ZFAT: variants seen among roughly 807,000 people sequenced by gnomAD.
The protein encoded by ZFAT is zinc finger and AT-hook domain containing.
In ZFAT, 64 loss-of-function variants were observed where a neutral mutation model predicts 117.7. That is an observed-to-expected ratio of 0.54 (90% confidence interval 0.44 to 0.67). ZFAT has a LOEUF of 0.67. Among genes scored for constraint, ZFAT ranks in the 30% least tolerant of loss-of-function variants. ZFAT has a pLI of 0.00. For missense variants in ZFAT, 1,433 were observed against 1,584.5 expected (o/e 0.90, Z 1.62); for synonymous variants, 679 against 615.0 (o/e 1.10, Z -1.54).
At chr8:134,820,433 C>A in the ZFAT span, among the ~76,000 whole-genome samples, 57 of 152,240 alleles carry the variant, frequency 3.7e-4, no homozygotes, top group African/African-American at 1.4e-3. Context: ...CATCATACAG[C>A]ACCTTGAGTG....
chr8:134,539,841 A>G lies in ZFAT; in HGVS notation c.2977-6869T>C, dbSNP rs570260566. 7.9e-5 allele frequency among the ~76,000 whole-genome samples: 12 copies of G among 152,286 alleles called. No homozygotes were observed. The South Asian group carries it at 2.5e-3, about 32-fold the overall frequency. Reference sequence around the variant, plus strand: ...GGGTAGAAGAGCGGAGTGTGGGAGCATGAATGAACCAGGCGCAGGAGAAGA... The same window carrying G: ...GGGTAGAAGAGCGGAGTGTGGGAGCGTGAATGAACCAGGCGCAGGAGAAGA... On this transcript the variant is annotated intron_variant, in intron 11 of 15. Coordinates refer to ENST00000377838, the MANE Select transcript of ZFAT (RefSeq NM_020863.4).
At chr8:134,755,780 C>G in the ZFAT span, among the ~76,000 whole-genome samples, 2 of 141,374 alleles carry the variant, frequency 1.4e-5, no homozygotes. Flanking sequence ...CCACTGCACT[C>G]CAGCCTGGGC....
intron 13 of ZFAT, 96 bp downstream of exon 13, chr8:134,520,787 C>T (rs979506390): frequency 1.1e-6 from 1 of 927,120 alleles, no homozygotes; most frequent in Non-Finnish European, 1.7e-6. Flanking sequence ...ATCTAATGTT[C>T]TGAGGAATGA....
chr8:134,539,051 A>G (rs1369938272), intron 11 of ZFAT, among the ~76,000 whole-genome samples: 1 of 152,234 alleles, frequency 6.6e-6, no homozygotes, highest in African/African-American at 2.4e-5. Flanking sequence ...GGTTCTTTAA[A>G]CAGAAAGAAA....
intron 14 of ZFAT, among the ~76,000 whole-genome samples, chr8:134,512,054 G>A (rs954093022): frequency 1.3e-5 from 2 of 152,228 alleles, no homozygotes; most frequent in Non-Finnish European, 2.9e-5. Context: ...GAAGTTAGGA[G>A]ACCCAGATTC....
chr8:134,511,270 A>C (rs1819821347), intron 14 of ZFAT, among the ~76,000 whole-genome samples: 1 of 152,088 alleles, frequency 6.6e-6, no homozygotes, highest in African/African-American at 2.4e-5. Flanking sequence ...GTGTGTGCTC[A>C]TAGGGGATGA....
chr8:134,713,422 A>G (rs1185994041), upstream of ZFAT, among the ~76,000 whole-genome samples: 2 of 152,194 alleles, frequency 1.3e-5, no homozygotes, highest in South Asian at 2.1e-4. Flanking sequence ...TCTTGCTCTC[A>G]GTTTACTGAT....
Position 134,641,390 on chromosome 8 carries a change from C to A in ZFAT, c.197-3678G>T, listed in dbSNP as rs374854582. ...GTACTATTCTCCCAAGCTGTGACCA[C>A]CTCCTTCACTACCAATCAGAGACCA... On this transcript the variant is annotated intron_variant, in intron 2 of 15. Coordinates refer to ENST00000377838, the MANE Select transcript of ZFAT (RefSeq NM_020863.4). Among the ~76,000 whole-genome samples, 13 of 152,290 alleles carry A rather than the reference C, an allele frequency of 8.5e-5. No individual in the cohort carries two copies. In the East Asian group the frequency reaches 2.3e-3, roughly 27 times the overall value.
At position 134,685,166 on chromosome 8, in the gene ZFAT, C is replaced by T. The variant is rs556336792; in HGVS notation, c.20-27429G>A. ...TACATGGTGTCATCCCCATCACCAC[C>T]ACCACCGTCACCATCCCCTTTTTAC... On this transcript the variant is annotated intron_variant, in intron 1 of 15. Coordinates refer to ENST00000377838, the MANE Select transcript of ZFAT (RefSeq NM_020863.4). 2.0e-4 allele frequency among the ~76,000 whole-genome samples: 30 copies of T among 152,258 alleles called. 1 individual carries two copies. Among genetic ancestry groups the T allele is most frequent in the Admixed American group, 1.4e-3 (21 of 15,298 alleles).
At chr8:134,498,319 T>C (rs1324643980) in intron 15 of ZFAT, among the ~76,000 whole-genome samples, 114 of 149,548 alleles carry the variant, frequency 7.6e-4, no homozygotes, top group African/African-American at 2.8e-3. Context: ...TTTTGTAGGG[T>C]TGGGGTGGAG....
chr8:134,608,966 A>G, intron 4 of ZFAT, 87 bp from the exon 5 acceptor site: 2 of 1,464,506 alleles, frequency 1.4e-6, no homozygotes, highest in South Asian at 2.8e-5. Flanking sequence ...GGTGCTGGGA[A>G]GTCTATTTCT....
At chr8:134,749,702 C>T in the ZFAT span, among the ~76,000 whole-genome samples, 1 of 152,152 alleles carries the variant, frequency 6.6e-6, no homozygotes, top group Non-Finnish European at 1.5e-5. Context: ...CCAATATGAA[C>T]AATTTCCGGT....
At chr8:134,488,483 A>G (rs1382302129) in intron 15 of ZFAT, among the ~76,000 whole-genome samples, 1 of 152,192 alleles carries the variant, frequency 6.6e-6, no homozygotes, top group African/African-American at 2.4e-5. Context: ...CCGCTAAGAG[A>G]TGGGCCATTT....
intron 1 of ZFAT, among the ~76,000 whole-genome samples, chr8:134,665,454 C>A (rs1832163235): frequency 6.6e-6 from 1 of 152,204 alleles, no homozygotes; most frequent in Admixed American, 6.5e-5. Flanking sequence ...CCTCCTCCTG[C>A]TGCTGCTGTC....
At chr8:134,547,592 T>C (rs535151758) in intron 11 of ZFAT, among the ~76,000 whole-genome samples, 2 of 152,350 alleles carry the variant, frequency 1.3e-5, no homozygotes, top group East Asian at 3.9e-4. Flanking sequence ...TGCATTTGCA[T>C]AGATTTCCAA....
chr8:134,825,406 T>C, the ZFAT span, among the ~76,000 whole-genome samples: 1 of 152,196 alleles, frequency 6.6e-6, no homozygotes, highest in Admixed American at 6.5e-5. Context: ...CACTCAGTCT[T>C]AAGAATTTTT....
the ZFAT span, among the ~76,000 whole-genome samples, chr8:134,820,253 A>G: frequency 7.2e-5 from 11 of 152,238 alleles, no homozygotes; most frequent in Non-Finnish European, 1.3e-4. Context: ...GGTTTAAAAC[A>G]TATTGACTGA....
At chr8:134,798,882 T>C in the ZFAT span, among the ~76,000 whole-genome samples, 1 of 152,068 alleles carries the variant, frequency 6.6e-6, no homozygotes, top group Non-Finnish European at 1.5e-5. Flanking sequence ...AAAAACAAAT[T>C]GATGGGCAAT....
At chr8:134,620,143 C>A (rs1211367695) in intron 3 of ZFAT, among the ~76,000 whole-genome samples, 1 of 152,182 alleles carries the variant, frequency 6.6e-6, no homozygotes, top group Non-Finnish European at 1.5e-5. Flanking sequence ...TCACCACAGG[C>A]AGAGGTGTGA....
Sources: allele counts gnomAD v4.1 joint callset (sites outside exome capture counted in the v4.1 genomes callset), GRCh38; gene constraint gnomAD v4.1.1; transcripts MANE v1.5; gene names NCBI Gene and HGNC (gene_info 2026-07-23, HGNC 2026-07-21).